Variants in LMO7 observed in about 807,000 individuals in gnomAD.
LMO7 encodes the protein LIM domain only protein 7.
Under a neutral mutation model 206.5 loss-of-function variants are expected in LMO7, and 120 were observed. That is an observed-to-expected ratio of 0.58 (90% confidence interval 0.50 to 0.68). The LOEUF (loss-of-function observed/expected upper bound fraction) is 0.68, where lower values mean the gene tolerates loss of function less well. Ranked by LOEUF, LMO7 falls within the 30% of genes least tolerant of loss-of-function variation. LMO7 has a pLI of 0.00. For missense variants in LMO7, 1,959 were observed against 1,957.9 expected, an observed-to-expected ratio of 1.00 and a Z score of -0.01; for synonymous variants, 706 against 681.5, an observed-to-expected ratio of 1.04 and a Z score of -0.56.
At chr13:75,637,426 C>T (rs1040338309) in intron 1 of LMO7, among the ~76,000 whole-genome samples, 9 of 152,152 alleles carry the variant, frequency 5.9e-5, no homozygotes, top group African/African-American at 2.2e-4. Context: ...TGAAAAAGAG[C>T]GGGTCTCTTC....
At chr13:75,798,981 A>G (rs796836255) in intron 6 of LMO7, among the ~76,000 whole-genome samples, 1 of 152,280 alleles carries the variant, frequency 6.6e-6, no homozygotes, top group African/African-American at 2.4e-5. Flanking sequence ...TAAATTTAAA[A>G]AAATCTTTCT....
At chr13:75,645,364 C>T (rs1341561322) in intron 1 of LMO7, among the ~76,000 whole-genome samples, 2 of 152,056 alleles carry the variant, frequency 1.3e-5, no homozygotes, top group African/African-American at 4.8e-5. Context: ...TTTTGTTATA[C>T]CACCATTTCA....
intron 4 of LMO7, among the ~76,000 whole-genome samples, chr13:75,775,441 A>G (rs1406164635): frequency 1.1e-4 from 16 of 152,144 alleles, no homozygotes; most frequent in Admixed American, 9.8e-4. Flanking sequence ...ACTCAACAAA[A>G]CAAAAAATAG....
rs144036428 is a variant in LMO7 at position 75,625,866 on chromosome 13, G to C, written c.225+2546G>C. The stretch of plus-strand genomic sequence containing the variant: ...ATCTTCTGATGGAGCTGGCTCCAAG[G>C]CTTCCCTTTTCTCCTATAATTATTT... On this transcript the variant is annotated intron_variant, in intron 2 of 29. Transcript: ENST00000341547. Among the ~76,000 whole-genome samples, 504 of 152,280 alleles carry C rather than the reference G, an allele frequency of 3.3e-3. 5 individuals carry two copies. Among genetic ancestry groups the C allele is most frequent in the African/African-American group, 0.011 (472 of 41,544 alleles).
chr13:75,784,915 G>T (rs1262742946), intron 4 of LMO7, among the ~76,000 whole-genome samples: 1 of 152,088 alleles, frequency 6.6e-6, no homozygotes, highest in African/African-American at 2.4e-5. Context: ...GTAAAATACA[G>T]GAAATGAATA....
At chr13:75,849,784 A>T (rs936264333) in intron 27 of LMO7, among the ~76,000 whole-genome samples, 1 of 152,230 alleles carries the variant, frequency 6.6e-6, no homozygotes, top group Non-Finnish European at 1.5e-5. Context: ...AGGTATAGAT[A>T]TTAATTGGAA....
chr13:75,652,254 A>G (rs546412229), intron 1 of LMO7, among the ~76,000 whole-genome samples: 120 of 151,956 alleles, frequency 7.9e-4, no homozygotes, highest in African/African-American at 2.8e-3. Context: ...ATCCTTGTCC[A>G]ACTGCTTTCT....
At chr13:75,845,282 G>A (rs772730745) in intron 25 of LMO7, 45 bp from the exon 26 acceptor site, 2 of 897,566 alleles carry the variant, frequency 2.2e-6, no homozygotes, top group Admixed American at 5.7e-5. Flanking sequence ...TATAAAGGAG[G>A]TTATTTAATG....
chr13:75,720,862 C>T (rs747928935), intron 2 of LMO7, among the ~76,000 whole-genome samples: 6 of 152,122 alleles, frequency 3.9e-5, no homozygotes, highest in Non-Finnish European at 8.8e-5. Flanking sequence ...TAGAAATTAA[C>T]ATCAATTTTA....
chr13:75,804,697 C>A, intron 8 of LMO7, 156 bp downstream of exon 8: 1 of 1,111,400 alleles, frequency 9.0e-7, no homozygotes. Context: ...TTTAGTTATA[C>A]ATATCTTGAA....
intron 1 of LMO7, among the ~76,000 whole-genome samples, chr13:75,699,483 T>G (rs1280360664): frequency 6.6e-6 from 1 of 151,666 alleles, no homozygotes; most frequent in Non-Finnish European, 1.5e-5. Context: ...CTATTTTCCC[T>G]AAGTGTCGGC....
intron 8 of LMO7, chr13:75,805,256 C>A (rs1430470794): frequency 9.6e-7 from 1 of 1,040,614 alleles, no homozygotes; most frequent in Non-Finnish European, 1.3e-6. Flanking sequence ...TTTAACACAG[C>A]TTCTAATGAA....
intron 3 of LMO7, among the ~76,000 whole-genome samples, chr13:75,729,706 A>C (rs1227322126): frequency 6.6e-6 from 1 of 151,546 alleles, no homozygotes; most frequent in Non-Finnish European, 1.5e-5. Flanking sequence ...GTCTTCTGCC[A>C]GTTTTCAAAG....
At chr13:75,828,107 G>A (rs544118735) in intron 15 of LMO7, among the ~76,000 whole-genome samples, 1 of 152,072 alleles carries the variant, frequency 6.6e-6, no homozygotes, top group Admixed American at 6.6e-5. Flanking sequence ...GAATTAAATG[G>A]GATTTTCTTT....
chr13:75,796,857 A>C (rs2054083842), intron 6 of LMO7, 108 bp downstream of exon 6: 2 of 697,060 alleles, frequency 2.9e-6, no homozygotes, highest in East Asian at 2.7e-5. Flanking sequence ...AAATATGGCA[A>C]CTCCGACTCT....
intron 1 of LMO7, among the ~76,000 whole-genome samples, chr13:75,689,741 T>C (rs1001929856): frequency 1.3e-5 from 2 of 152,110 alleles, no homozygotes; most frequent in Non-Finnish European, 2.9e-5. Context: ...TTTTGGACTC[T>C]TGGACCTACA....
chr13:75,807,530 C>G lies in LMO7; in HGVS notation c.1247C>G (p.Ser416Cys), dbSNP rs546900651. 3.1e-6 allele frequency: 5 copies of G among 1,613,810 alleles called. 1 individual carries two copies. The South Asian group carries it at 5.5e-5, about 18-fold the overall frequency. ...ALQTYSDDIL[S>C]SETHTKIDPT... ...CAAACATACTCTGATGACATCTTGT[C>G]TTCTGAAACACATACCAAAATTGAT... Residue 416 changes from serine (S) to cysteine (C), a missense_variant, in exon 10 of 31, where the codon TCT becomes TGT. Transcript: ENST00000377534.
intron 27 of LMO7, among the ~76,000 whole-genome samples, chr13:75,852,256 G>C (rs570915119): frequency 2.6e-5 from 4 of 152,254 alleles, no homozygotes; most frequent in African/African-American, 9.6e-5. Flanking sequence ...ATAAACAAAG[G>C]TGTTCTCACT....
chr13:75,740,481 G>A (rs893052703), intron 3 of LMO7, among the ~76,000 whole-genome samples: 4 of 152,174 alleles, frequency 2.6e-5, no homozygotes, highest in Admixed American at 2.0e-4. Flanking sequence ...AATTAAAGAA[G>A]CAAAATACTG....
Sources: gnomAD v4.1 joint callset for allele counts (sites outside exome capture counted in the v4.1 genomes callset) on GRCh38, gnomAD v4.1.1 for gene constraint, MANE v1.5 for transcripts, NCBI Gene and HGNC (gene_info 2026-07-23, HGNC 2026-07-21) for gene names.